The following EIF4E3 variants were observed in gnomAD, a reference collection of about 807,000 sequenced individuals.
EIF4E3 encodes the protein eukaryotic translation initiation factor 4E type 3.
Under a neutral mutation model 31.7 loss-of-function variants are expected in EIF4E3, and 26 were observed. The ratio of observed to expected loss-of-function variants is 0.82; its 90% CI spans 0.60 to 1.14. The LOEUF (loss-of-function observed/expected upper bound fraction) is 1.14. EIF4E3 is among the 50% of genes most tolerant of loss of function. EIF4E3 has a pLI of 0.00. For synonymous variants in EIF4E3, 128 were observed against 107.7 expected (o/e 1.19, Z -1.17); for missense variants, 304 against 270.9 (o/e 1.12, Z -0.86).
the EIF4E3 span, among the ~76,000 whole-genome samples, chr3:71,668,831 G>C: frequency 6.6e-6 from 1 of 152,332 alleles, no homozygotes; most frequent in East Asian, 1.9e-4. Context: ...GTGGAATACA[G>C]TGTGGCAATT....
chr3:71,710,776 C>G (rs2049367324), intron 1 of EIF4E3, among the ~76,000 whole-genome samples: 1 of 152,098 alleles, frequency 6.6e-6, no homozygotes. Context: ...CATTTTAAAA[C>G]ATACCAAAAT....
chr3:71,685,973 G>A (rs2048985729), intron 6 of EIF4E3, among the ~76,000 whole-genome samples: 1 of 152,062 alleles, frequency 6.6e-6, no homozygotes. Flanking sequence ...TTCCAGTTCT[G>A]TTTTATTTTT....
At chr3:71,700,320 G>C (rs893233638) in intron 2 of EIF4E3, among the ~76,000 whole-genome samples, 1 of 152,168 alleles carries the variant, frequency 6.6e-6, no homozygotes, top group African/African-American at 2.4e-5. Context: ...AAAGGACTTT[G>C]CTAATGATTT....
At chr3:71,661,816 G>A in the EIF4E3 span, among the ~76,000 whole-genome samples, 1 of 152,140 alleles carries the variant, frequency 6.6e-6, no homozygotes, top group African/African-American at 2.4e-5. Context: ...TCAAATGGTG[G>A]ATGGTGAGAT....
intron 1 of EIF4E3, among the ~76,000 whole-genome samples, chr3:71,750,819 A>G (rs1255711288): frequency 6.7e-6 from 1 of 150,302 alleles, no homozygotes; most frequent in South Asian, 2.1e-4. Context: ...GCTGAAGTGC[A>G]GTGACACGAT....
At chr3:71,710,341 G>C (rs977111952) in intron 2 of EIF4E3, 71 bp downstream of exon 2, 7 of 1,500,154 alleles carry the variant, frequency 4.7e-6, no homozygotes, top group Non-Finnish European at 6.4e-6. Flanking sequence ...CACAGCAACA[G>C]ATTTCAAGTT....
At chr3:71,693,810 G>A in intron 5 of EIF4E3, 65 bp downstream of exon 5, 1 of 1,379,454 alleles carries the variant, frequency 7.2e-7, no homozygotes, top group Non-Finnish European at 9.6e-7. Flanking sequence ...ACAAGCTGCT[G>A]CAAGAAACAA....
intron 1 of EIF4E3, among the ~76,000 whole-genome samples, chr3:71,733,625 G>A (rs928125743): frequency 6.6e-6 from 1 of 152,138 alleles, no homozygotes; most frequent in Non-Finnish European, 1.5e-5. Flanking sequence ...TTCCTGAGGG[G>A]TGGGGAGCTC....
intron 5 of EIF4E3, among the ~76,000 whole-genome samples, chr3:71,691,755 A>G (rs1021252735): frequency 2.0e-5 from 3 of 152,278 alleles, no homozygotes; most frequent in Admixed American, 1.3e-4. Flanking sequence ...GGCCATTCAC[A>G]GAAACTTATT....
chr3:71,684,347 G>A lies in EIF4E3; in HGVS notation c.*335C>T, dbSNP rs1442831197. On this transcript the variant is annotated 3_prime_UTR_variant, in exon 7 of 7. Transcript: ENST00000425534. ...CCATTTCTTGTGCCTCAATGAAAGGGGAGTGTAGAAAACAATAATTAGGCT... is the reference window on the plus strand; with the variant it reads ...CCATTTCTTGTGCCTCAATGAAAGGAGAGTGTAGAAAACAATAATTAGGCT... 4.3e-6 allele frequency: 1 copy of A among 233,372 alleles called. No individual in the cohort carries two copies. Among genetic ancestry groups the A allele is most frequent in the Non-Finnish European group, 8.5e-6 (1 of 117,996 alleles). The allele number at this position is 233,372 out of a possible 1,614,324, so 14.5% of individuals were successfully genotyped here.
At position 71,678,329 on chromosome 3, in the gene EIF4E3, TAAAC is replaced by T. The variant is rs1397084174; in HGVS notation, c.*6349_*6352del. 1.3e-5 allele frequency: 2 copies of T among 152,150 alleles called. No homozygotes were observed. Among genetic ancestry groups the T allele is most frequent in the East Asian group, 3.8e-4 (2 of 5,200 alleles). The allele number at this position is 152,150 out of a possible 1,614,324, so 9.4% of individuals were successfully genotyped here. On this transcript the variant is annotated 3_prime_UTR_variant, in exon 7 of 7. Coordinates refer to ENST00000425534, the MANE Select transcript of EIF4E3 (RefSeq NM_001134651.2). ...AAATAAAGTTCTACAAACTAACACT[TAAAC>T]AAACCCTGTGAACTACTACCCTGAA...
chr3:71,739,754 G>T (rs1270674980), intron 1 of EIF4E3, among the ~76,000 whole-genome samples: 1 of 152,006 alleles, frequency 6.6e-6, no homozygotes, highest in African/African-American at 2.4e-5. Flanking sequence ...GATGCCAGAA[G>T]GGAACGTAGA....
At chr3:71,661,811 T>C in the EIF4E3 span, among the ~76,000 whole-genome samples, 2 of 152,172 alleles carry the variant, frequency 1.3e-5, no homozygotes, top group Admixed American at 6.5e-5. Flanking sequence ...ATTTGTCAAA[T>C]GGTGGATGGT....
chr3:71,713,935 G>T (rs1001039262), intron 1 of EIF4E3, among the ~76,000 whole-genome samples: 14 of 152,124 alleles, frequency 9.2e-5, no homozygotes. Context: ...TATGGGCTGG[G>T]CACAGTGGTT....
At chr3:71,665,316 A>G in the EIF4E3 span, among the ~76,000 whole-genome samples, 2 of 152,246 alleles carry the variant, frequency 1.3e-5, no homozygotes, top group African/African-American at 2.4e-5. Flanking sequence ...AGTGAGCCAG[A>G]TGGCAGCCCA....
chr3:71,712,654 G>T, intron 1 of EIF4E3, among the ~76,000 whole-genome samples: 1 of 148,378 alleles, frequency 6.7e-6, no homozygotes, highest in African/African-American at 2.5e-5. Context: ...GAGATTCTAG[G>T]GCTCAAAGGG....
upstream of EIF4E3, chr3:71,754,462 C>CGTGCGCCGCCATGCTGGT (rs1275874162): frequency 2.2e-6 from 3 of 1,333,600 alleles, no homozygotes; most frequent in Non-Finnish European, 2.9e-6. The surrounding 1 kb of genome is among the most constrained non-coding windows in gnomAD (Gnocchi z 5.8). Flanking sequence ...GCCGGCTGGC[C>CGTGCGCCGCCATGCTGGT]GTGCGCCGCC....
At chr3:71,712,588 G>A (rs531530641) in intron 1 of EIF4E3, among the ~76,000 whole-genome samples, 1 of 129,884 alleles carries the variant, frequency 7.7e-6, no homozygotes, top group South Asian at 2.8e-4. Flanking sequence ...AAGCACATAG[G>A]AGAGTATATA....
At chr3:71,733,151 G>A (rs2049725098) in intron 1 of EIF4E3, among the ~76,000 whole-genome samples, 1 of 152,188 alleles carries the variant, frequency 6.6e-6, no homozygotes, top group African/African-American at 2.4e-5. Context: ...TTTGAGCACT[G>A]AAAGTTCTGA....
Sources: gnomAD v4.1 joint callset for allele counts (sites outside exome capture counted in the v4.1 genomes callset) on GRCh38, gnomAD v4.1.1 for gene constraint, Gnocchi (gnomAD v3.1) non-coding constraint, MANE v1.5 for transcripts, NCBI Gene and HGNC (gene_info 2026-07-23, HGNC 2026-07-21) for gene names.